The following PTPRN2 variants were observed in gnomAD, a reference collection of about 807,000 sequenced individuals.
PTPRN2 encodes the protein protein tyrosine phosphatase receptor type N2.
Under a neutral mutation model 118.8 loss-of-function variants are expected in PTPRN2, and 74 were observed. The ratio of observed to expected loss-of-function variants is 0.62; its 90% confidence interval spans 0.52 to 0.76. The LOEUF (loss-of-function observed/expected upper bound fraction) is 0.76, where lower values mean the gene tolerates loss of function less well. Ranked by LOEUF, PTPRN2 falls within the 30% of genes least tolerant of loss-of-function variation. The probability of loss-of-function intolerance (pLI) is 0.00; values close to 1 mark genes in which losing one functional copy is unlikely to be tolerated. For missense variants in PTPRN2, 1,481 were observed against 1,394.4 expected (o/e 1.06, Z -0.99); for synonymous variants, 641 against 608.0 (o/e 1.05, Z -0.80).
At position 158,221,104 on chromosome 7, in the gene PTPRN2, C is replaced by A. The variant is rs186701876; in HGVS notation, c.278-15831G>T. On this transcript the variant is annotated intron_variant, in intron 3 of 22. Coordinates refer to ENST00000389418, the MANE Select transcript of PTPRN2 (RefSeq NM_002847.5). The stretch of plus-strand genomic sequence containing the variant: ...TGATCTTCAACAAAGTCAACAAAAA[C>A]AAGAAATGGAGAAAGGACTCCCTAT... Among the ~76,000 whole-genome samples the A allele has an allele frequency of 4.5e-3, 686 of 152,180 alleles. 4 individuals carry two copies. The highest frequency in any genetic ancestry group is 0.016 in the African/African-American group (654 of 41,524).
intron 12 of PTPRN2, among the ~76,000 whole-genome samples, chr7:157,896,116 CCAA>C (rs1797098526): frequency 6.6e-6 from 1 of 151,282 alleles, no homozygotes; most frequent in African/African-American, 2.4e-5. Context: ...CCCAGATCCC[CCAA>C]TCCAAGCAGG....
chr7:158,425,223 T>A (rs10236522), intron 2 of PTPRN2, among the ~76,000 whole-genome samples: 10,418 of 15,902 alleles, frequency 0.66, 4,002 homozygotes, highest in African/African-American at 0.76. Flanking sequence ...GGTGTCCGAG[T>A]CCAGCCTAGC....
chr7:158,054,426 G>T (rs749281643), intron 11 of PTPRN2, among the ~76,000 whole-genome samples: 5 of 152,250 alleles, frequency 3.3e-5, no homozygotes, highest in Non-Finnish European at 7.3e-5. Context: ...ATGGGGGACA[G>T]AGCAAGAGAG....
intron 12 of PTPRN2, among the ~76,000 whole-genome samples, chr7:157,804,817 C>G (rs973798743): frequency 1.3e-5 from 2 of 152,234 alleles, no homozygotes; most frequent in Non-Finnish European, 2.9e-5. Flanking sequence ...TCCCAGCCCC[C>G]CTTCTCCCAG....
At chr7:158,279,331 GGTGC>G (rs1799255948) in intron 3 of PTPRN2, among the ~76,000 whole-genome samples, 1 of 152,082 alleles carries the variant, frequency 6.6e-6, no homozygotes, top group Non-Finnish European at 1.5e-5. Context: ...AGCACTGATG[GGTGC>G]ATTTACAATC....
intron 12 of PTPRN2, among the ~76,000 whole-genome samples, chr7:157,891,096 G>A (rs1357697932): frequency 6.6e-6 from 1 of 152,224 alleles, no homozygotes; most frequent in Admixed American, 6.5e-5. Flanking sequence ...GCAGAACCAG[G>A]CATCTGGTGA....
At chr7:158,047,200 C>T (rs1175305777) in intron 11 of PTPRN2, among the ~76,000 whole-genome samples, 1 of 152,238 alleles carries the variant, frequency 6.6e-6, no homozygotes, top group African/African-American at 2.4e-5. Context: ...ACAACAGTCC[C>T]CATGGGCAGG....
intron 2 of PTPRN2, among the ~76,000 whole-genome samples, chr7:158,332,844 T>C (rs1445544167): frequency 6.9e-6 from 1 of 145,074 alleles, no homozygotes; most frequent in Non-Finnish European, 1.5e-5. Flanking sequence ...AGGTGACACA[T>C]GCAAACGTCA....
chr7:157,616,592 G>A (rs1409438975), intron 15 of PTPRN2: 1 of 152,150 alleles, frequency 6.6e-6, no homozygotes, highest in Non-Finnish European at 1.5e-5. Flanking sequence ...GGGCAGAGTC[G>A]GCTGGCACTG....
At chr7:157,804,703 G>T (rs114549967) in intron 12 of PTPRN2, among the ~76,000 whole-genome samples, 288 of 152,296 alleles carry the variant, frequency 1.9e-3, no homozygotes, top group African/African-American at 6.7e-3. Context: ...CCTACTGGGT[G>T]ACCAGTAGGT....
At chr7:157,891,148 A>C (rs2151305776) in intron 12 of PTPRN2, among the ~76,000 whole-genome samples, 1 of 152,326 alleles carries the variant, frequency 6.6e-6, no homozygotes, top group South Asian at 2.1e-4. Flanking sequence ...CCCAGGGAGA[A>C]GGTGCATGGC....
At chr7:157,562,074 G>C (rs1296965435) in intron 21 of PTPRN2, among the ~76,000 whole-genome samples, 1 of 152,222 alleles carries the variant, frequency 6.6e-6, no homozygotes, top group African/African-American at 2.4e-5. Context: ...CCACAGAAAA[G>C]AACCTGCAAA....
At chr7:158,184,487 T>C (rs1472258730) in intron 5 of PTPRN2, among the ~76,000 whole-genome samples, 3 of 152,244 alleles carry the variant, frequency 2.0e-5, no homozygotes, top group Non-Finnish European at 4.4e-5. Context: ...AGCTTTTCTG[T>C]AGGTTCCACC....
chr7:157,970,906 C>T (rs540197523), intron 11 of PTPRN2, among the ~76,000 whole-genome samples: 50 of 152,308 alleles, frequency 3.3e-4, no homozygotes, highest in East Asian at 7.7e-4. Context: ...TGTCCCTGCA[C>T]GCACGAGGCA....
intron 3 of PTPRN2, among the ~76,000 whole-genome samples, chr7:158,298,236 CTTCA>C (rs1242933280): frequency 2.0e-5 from 3 of 151,964 alleles, no homozygotes; most frequent in Non-Finnish European, 2.9e-5. Context: ...CTGCTCTTGT[CTTCA>C]TTATTTTCTT....
chr7:158,329,825 G>C (rs1487616344), intron 2 of PTPRN2, among the ~76,000 whole-genome samples: 3 of 152,142 alleles, frequency 2.0e-5, no homozygotes, highest in African/African-American at 7.2e-5. Context: ...TCGAGGCTGT[G>C]TCCTCTACGG....
intron 11 of PTPRN2, among the ~76,000 whole-genome samples, chr7:158,072,007 T>C (rs1489627242): frequency 8.7e-6 from 1 of 114,416 alleles, no homozygotes; most frequent in Non-Finnish European, 1.7e-5. Flanking sequence ...GTGGAGGTGC[T>C]CGTCGTATGG....
At chr7:157,834,810 CTTG>C (rs943397914) in intron 12 of PTPRN2, among the ~76,000 whole-genome samples, 71 of 152,344 alleles carry the variant, frequency 4.7e-4, no homozygotes, top group African/African-American at 1.7e-3. Context: ...GGCTACGGGG[CTTG>C]TTGTCATGAA....
chr7:158,277,944 G>A (rs1799137585), intron 3 of PTPRN2, among the ~76,000 whole-genome samples: 3 of 152,198 alleles, frequency 2.0e-5, no homozygotes, highest in Admixed American at 6.5e-5. Context: ...GCACACAAGG[G>A]GGGGATGGGA....
Sources: gnomAD v4.1 joint callset for allele counts (sites outside exome capture counted in the v4.1 genomes callset) on GRCh38, gnomAD v4.1.1 for gene constraint, MANE v1.5 for transcripts, NCBI Gene and HGNC (gene_info 2026-07-23, HGNC 2026-07-21) for gene names.